GRB2: variants seen among roughly 807,000 people sequenced by gnomAD.
GRB2 encodes growth factor receptor-bound protein 2.
In GRB2, 2 loss-of-function variants were observed where a neutral mutation model predicts 27.4. The observed-to-expected ratio is 0.07, with a 90% CI of 0.03 to 0.23. The LOEUF (loss-of-function observed/expected upper bound fraction) is 0.23, where lower values mean the gene tolerates loss of function less well. GRB2 is among the 10% of genes least tolerant of loss of function. The probability of loss-of-function intolerance (pLI) is 1.00; values close to 1 mark genes in which losing one functional copy is unlikely to be tolerated. For synonymous variants in GRB2, 94 were observed against 99.6 expected, an observed-to-expected ratio of 0.94 and a Z score of 0.33; for missense variants, 102 against 282.4, an observed-to-expected ratio of 0.36 and a Z score of 4.58.
At chr17:75,326,758 A>G (rs2078501133) in intron 3 of GRB2, among the ~76,000 whole-genome samples, 1 of 152,250 alleles carries the variant, frequency 6.6e-6, no homozygotes, top group African/African-American at 2.4e-5. Context: ...AAGTGGCTAA[A>G]TTCATGAAAA....
intron 2 of GRB2, among the ~76,000 whole-genome samples, chr17:75,339,987 G>A (rs2078609830): frequency 6.6e-6 from 1 of 152,172 alleles, no homozygotes; most frequent in Non-Finnish European, 1.5e-5. Context: ...AAAATGGCAA[G>A]TATTTTGTTT....
Position 75,326,089 on chromosome 17 carries a change from A to C in GRB2, c.177-69T>G, listed in dbSNP as rs188048885. On this transcript the variant is annotated intron_variant, in intron 3 of 5. Coordinates refer to ENST00000316804, the MANE Select transcript of GRB2 (RefSeq NM_002086.5). ...AGAAACGGGATATCCAGCCTTCAAA[A>C]TGTGAGTAACACAACACTCCTTGCC... The C allele has an allele frequency of 1.1e-5, 18 of 1,573,578 alleles. No individual in the cohort carries two copies. The East Asian group carries it at 4.0e-4, about 35-fold the overall frequency.
At chr17:75,351,179 A>G (rs1462616840) in intron 2 of GRB2, among the ~76,000 whole-genome samples, 1 of 152,132 alleles carries the variant, frequency 6.6e-6, no homozygotes, top group African/African-American at 2.4e-5. Flanking sequence ...TTTGAAGAGA[A>G]TCTAAAATGA....
chr17:75,403,664 C>T (rs1033557378), intron 1 of GRB2, among the ~76,000 whole-genome samples: 4 of 151,478 alleles, frequency 2.6e-5, no homozygotes, highest in Admixed American at 1.3e-4. Context: ...CTCGGGAGTG[C>T]GAGGCAGGAG....
chr17:75,334,933 A>G (rs1422543901), intron 2 of GRB2, among the ~76,000 whole-genome samples: 1 of 149,098 alleles, frequency 6.7e-6, no homozygotes, highest in Admixed American at 6.7e-5. Context: ...GGCTCATGGC[A>G]TCTCAACTTC....
chr17:75,399,458 C>G (rs1296862448), intron 1 of GRB2, among the ~76,000 whole-genome samples: 2 of 150,414 alleles, frequency 1.3e-5, no homozygotes, highest in Non-Finnish European at 2.9e-5. Flanking sequence ...ACCTCTGTCT[C>G]CTGGATTCAA....
intron 3 of GRB2, among the ~76,000 whole-genome samples, chr17:75,328,309 G>A (rs2078514048): frequency 6.7e-6 from 1 of 150,350 alleles, no homozygotes; most frequent in South Asian, 2.1e-4. Flanking sequence ...GGGCGAAAGA[G>A]TGAGACTCTG....
intron 1 of GRB2, among the ~76,000 whole-genome samples, chr17:75,400,899 C>T (rs2079059250): frequency 6.6e-6 from 1 of 151,966 alleles, no homozygotes; most frequent in South Asian, 2.1e-4. Context: ...ACATATACAC[C>T]CACACCCTTG....
intron 4 of GRB2, among the ~76,000 whole-genome samples, chr17:75,324,389 T>C (rs996979632): frequency 9.5e-5 from 13 of 136,666 alleles, no homozygotes; most frequent in African/African-American, 3.3e-4. Context: ...TTTTTTTTTT[T>C]AGTAGAGACA....
chr17:75,388,131 C>T lies in GRB2; in HGVS notation c.78+5420G>A, dbSNP rs139863563. 4.3e-4 allele frequency among the ~76,000 whole-genome samples: 66 copies of T among 152,218 alleles called. No individual in the cohort carries two copies. The East Asian group carries it at 0.012, about 27-fold the overall frequency. On this transcript the variant is annotated intron_variant, in intron 2 of 5. Coordinates refer to ENST00000316804, the MANE Select transcript of GRB2 (RefSeq NM_002086.5). ...TGTTTTTTTGAGATGGAGTCTCTCTCGGTTGCCCAGGCTGGAGTGGAATGG... is the reference window on the plus strand; with the variant it reads ...TGTTTTTTTGAGATGGAGTCTCTCTTGGTTGCCCAGGCTGGAGTGGAATGG...
At chr17:75,362,040 T>C (rs574531219) in intron 2 of GRB2, among the ~76,000 whole-genome samples, 1 of 152,238 alleles carries the variant, frequency 6.6e-6, no homozygotes, top group South Asian at 2.1e-4. Flanking sequence ...ACCACATACA[T>C]TGTGCCATAA....
intron 2 of GRB2, among the ~76,000 whole-genome samples, chr17:75,391,682 C>T (rs571436971): frequency 2.6e-5 from 4 of 152,134 alleles, no homozygotes; most frequent in Admixed American, 1.3e-4. Flanking sequence ...GTGGCGGGCG[C>T]CTGTAGTCCC....
intron 3 of GRB2, 94 bp from the exon 4 acceptor site, chr17:75,326,114 C>T: frequency 6.9e-7 from 1 of 1,444,264 alleles, no homozygotes; most frequent in Non-Finnish European, 9.6e-7. Context: ...CACTCCTTGC[C>T]AGAGGAAGGG....
intron 2 of GRB2, among the ~76,000 whole-genome samples, chr17:75,384,530 C>T (rs546652563): frequency 4.5e-4 from 69 of 151,956 alleles, no homozygotes; most frequent in African/African-American, 1.6e-3. Context: ...ATAAGCCGGG[C>T]GTGGTGGCAC....
At chr17:75,400,464 A>G (rs1445537410) in intron 1 of GRB2, among the ~76,000 whole-genome samples, 2 of 151,408 alleles carry the variant, frequency 1.3e-5, no homozygotes, top group Non-Finnish European at 2.9e-5. Context: ...ATACCACCAT[A>G]CCCAGCCTCA....
intron 2 of GRB2, among the ~76,000 whole-genome samples, chr17:75,388,375 A>C (rs1182152929): frequency 6.6e-6 from 1 of 152,162 alleles, no homozygotes; most frequent in East Asian, 1.9e-4. Context: ...AAGTGTTGGG[A>C]TTCAGGCGTG....
intron 2 of GRB2, chr17:75,339,262 C>T (rs1005025077): frequency 3.6e-5 from 21 of 583,766 alleles, no homozygotes; most frequent in Non-Finnish European, 5.4e-5. Context: ...GGCACGATCT[C>T]GGCTCACTGC....
chr17:75,325,622 A>T (rs942200897), intron 4 of GRB2, among the ~76,000 whole-genome samples: 4 of 152,250 alleles, frequency 2.6e-5, no homozygotes, highest in Non-Finnish European at 5.9e-5. Context: ...GCAGAAGCTC[A>T]GGAGTGCTGG....
chr17:75,364,222 C>G (rs1356513726), intron 2 of GRB2, among the ~76,000 whole-genome samples: 1 of 152,188 alleles, frequency 6.6e-6, no homozygotes, highest in Non-Finnish European at 1.5e-5. Flanking sequence ...GAACTCAAAC[C>G]AACTGGGCTT....
Sources: gnomAD v4.1 joint callset for allele counts (sites outside exome capture counted in the v4.1 genomes callset) on GRCh38, gnomAD v4.1.1 for gene constraint, MANE v1.5 for transcripts, NCBI Gene and HGNC (gene_info 2026-07-23, HGNC 2026-07-21) for gene names.